Variants in CAMKMT observed in about 807,000 individuals in gnomAD.
CAMKMT encodes the protein calmodulin-lysine N-methyltransferase, also known as CaM KMT.
CAMKMT carries 53 observed loss-of-function variants against 48.0 expected under a neutral mutation model. The ratio of observed to expected loss-of-function variants is 1.10; its 90% confidence interval spans 0.89 to 1.39. CAMKMT has a LOEUF of 1.39. Among genes scored for constraint, CAMKMT ranks in the 40% most tolerant of loss-of-function variants. The pLI is 0.00. For synonymous variants in CAMKMT, 165 were observed against 152.3 expected (o/e 1.08, Z -0.61); for missense variants, 428 against 402.7 (o/e 1.06, Z -0.54).
chr2:44,400,770 C>T (rs1356001118), intron 3 of CAMKMT: 1 of 151,300 alleles, frequency 6.6e-6, no homozygotes, highest in Non-Finnish European at 1.5e-5. Flanking sequence ...TATTTTTCAA[C>T]AGCCAGTATC....
Position 44,467,448 on chromosome 2 carries a change from C to T in CAMKMT, c.376+77143C>T, listed in dbSNP as rs1367064006. Among the ~76,000 whole-genome samples, 6 of 151,748 alleles carry T rather than the reference C, an allele frequency of 4.0e-5. No individual in the cohort carries two copies. In the East Asian group the frequency reaches 9.7e-4, roughly 25 times the overall value. On this transcript the variant is annotated intron_variant, in intron 3 of 10. Coordinates refer to ENST00000378494, the MANE Select transcript of CAMKMT (RefSeq NM_024766.5). ...TAGGGAGGATGAGACAGGAGAATCC[C>T]TTGAACATGGGAGGCAGAGGTTGTA...
intron 3 of CAMKMT, among the ~76,000 whole-genome samples, chr2:44,512,139 C>T (rs1462318361): frequency 4.7e-4 from 72 of 152,154 alleles, no homozygotes; most frequent in Non-Finnish European, 1.5e-5. Context: ...ACTCAGACTC[C>T]AGGCTGCCAC....
chr2:44,664,245 T>G (rs1302737319), intron 3 of CAMKMT, among the ~76,000 whole-genome samples: 1 of 152,364 alleles, frequency 6.6e-6, no homozygotes. Flanking sequence ...TCTAAGACTA[T>G]ACTTTTATGA....
chr2:44,476,257 G>A (rs1377219091), intron 3 of CAMKMT, among the ~76,000 whole-genome samples: 1 of 151,816 alleles, frequency 6.6e-6, no homozygotes, highest in East Asian at 1.9e-4. Flanking sequence ...AGTGGTGAAA[G>A]CATGTGGTTG....
At chr2:44,765,995 A>ACAG (rs1680827059) in intron 9 of CAMKMT, among the ~76,000 whole-genome samples, 2 of 152,152 alleles carry the variant, frequency 1.3e-5, no homozygotes, top group African/African-American at 4.8e-5. Context: ...CAAAAAACTA[A>ACAG]CAGATGTAAG....
At chr2:44,369,136 T>G (rs1385828749) in intron 1 of CAMKMT, among the ~76,000 whole-genome samples, 11 of 152,094 alleles carry the variant, frequency 7.2e-5, no homozygotes, top group Admixed American at 7.2e-4. Flanking sequence ...TACCCACCTT[T>G]GCCTCTGAAA....
intron 2 of CAMKMT, among the ~76,000 whole-genome samples, chr2:44,384,896 G>A (rs116825913): frequency 0.024 from 3,615 of 152,156 alleles, 161 homozygotes; most frequent in African/African-American, 0.083. Context: ...TTATAGTATA[G>A]TTGAAATCAG....
chr2:44,462,519 T>C (rs79074689), intron 3 of CAMKMT, among the ~76,000 whole-genome samples: 2,723 of 152,260 alleles, frequency 0.018, 86 homozygotes, highest in African/African-American at 0.063. Context: ...ATTGGCCTTA[T>C]AATAATAGAT....
rs145567376 is a variant in CAMKMT, at chr2:44,521,352, C to T, written c.376+131047C>T. ...GGAGTGCAGTGGCACAATCTCCACT[C>T]ACTGCAACCTCTGCCTCCCAGGTTC... On this transcript the variant is annotated intron_variant, in intron 3 of 10. Transcript: ENST00000378494. Among the ~76,000 whole-genome samples the T allele has an allele frequency of 4.5e-3, 685 of 152,230 alleles. 7 individuals carry two copies. Among genetic ancestry groups the T allele is most frequent in the African/African-American group, 0.016 (657 of 41,522 alleles).
intron 7 of CAMKMT, among the ~76,000 whole-genome samples, chr2:44,740,302 G>A (rs1268029908): frequency 6.6e-6 from 1 of 151,780 alleles, no homozygotes; most frequent in Non-Finnish European, 1.5e-5. Flanking sequence ...CTAATTTTTT[G>A]TATTTTTAGC....
intron 7 of CAMKMT, among the ~76,000 whole-genome samples, chr2:44,729,199 C>G (rs1262939715): frequency 6.6e-6 from 1 of 151,778 alleles, no homozygotes; most frequent in Admixed American, 6.6e-5. Context: ...TTTGAGGTGG[C>G]AGTAGAATAG....
intron 3 of CAMKMT, among the ~76,000 whole-genome samples, chr2:44,547,653 T>C (rs755667): frequency 0.072 from 10,965 of 152,252 alleles, 423 homozygotes; most frequent in African/African-American, 0.085. Context: ...GTTTAGGTCT[T>C]GGGGTCTGGA....
At chr2:44,743,486 T>C in intron 7 of CAMKMT, 136 bp from the exon 8 acceptor site, 1 of 613,126 alleles carries the variant, frequency 1.6e-6, no homozygotes, top group Non-Finnish European at 2.9e-6. Flanking sequence ...ATCCTATTTT[T>C]TATTATACCT....
At chr2:44,525,298 C>T (rs1173457095) in intron 3 of CAMKMT, among the ~76,000 whole-genome samples, 3 of 152,110 alleles carry the variant, frequency 2.0e-5, no homozygotes, top group African/African-American at 7.2e-5. Flanking sequence ...CTCTATTGCC[C>T]AGGCTGGAGT....
chr2:44,579,527 A>C (rs1372693385), intron 3 of CAMKMT, among the ~76,000 whole-genome samples: 1 of 152,236 alleles, frequency 6.6e-6, no homozygotes, highest in Non-Finnish European at 1.5e-5. Context: ...CATGGAAAGA[A>C]AGAGAATGCT....
chr2:44,467,949 A>C (rs1668209351), intron 3 of CAMKMT, among the ~76,000 whole-genome samples: 1 of 152,214 alleles, frequency 6.6e-6, no homozygotes, highest in South Asian at 2.1e-4. Flanking sequence ...GTCTGGGCAA[A>C]GATTTTATGG....
At chr2:44,444,688 A>T (rs1422530823) in intron 3 of CAMKMT, among the ~76,000 whole-genome samples, 2 of 152,228 alleles carry the variant, frequency 1.3e-5, no homozygotes, top group African/African-American at 2.4e-5. Context: ...TTTCAGAGCA[A>T]TTATCCTGCA....
intron 3 of CAMKMT, among the ~76,000 whole-genome samples, chr2:44,532,042 C>T (rs917191322): frequency 6.6e-5 from 10 of 152,138 alleles, no homozygotes; most frequent in South Asian, 2.1e-4. Flanking sequence ...TAGTGCTCTC[C>T]TATAGACCTC....
intron 3 of CAMKMT, among the ~76,000 whole-genome samples, chr2:44,620,797 T>G (rs1672141720): frequency 6.6e-6 from 1 of 152,232 alleles, no homozygotes; most frequent in African/African-American, 2.4e-5. Context: ...TGGATTCTAG[T>G]GCCAGATTGC....
Sources: gnomAD v4.1 joint callset for allele counts (sites outside exome capture counted in the v4.1 genomes callset) on GRCh38, gnomAD v4.1.1 for gene constraint, MANE v1.5 for transcripts, NCBI Gene and HGNC (gene_info 2026-07-23, HGNC 2026-07-21) for gene names.